The following PCDHA2 variants were observed in gnomAD, a reference collection of about 807,000 sequenced individuals.
PCDHA2 encodes protocadherin alpha 2, also known as protocadherin alpha-2.
A neutral mutation model predicts 66.0 loss-of-function variants in PCDHA2; 58 were observed. The ratio of observed to expected loss-of-function variants is 0.88; its 90% confidence interval spans 0.71 to 1.09. PCDHA2 has a LOEUF of 1.09. PCDHA2 is among the 50% of genes least tolerant of loss of function. The probability of loss-of-function intolerance (pLI) is 0.00; values close to 1 mark genes in which losing one functional copy is unlikely to be tolerated. For synonymous variants in PCDHA2, 634 were observed against 554.0 expected, an observed-to-expected ratio of 1.14 and a Z score of -2.03; for missense variants, 1,267 against 1,242.3, an observed-to-expected ratio of 1.02 and a Z score of -0.30.
intron 1 of PCDHA2, chr5:140,883,112 A>T (rs141106500): frequency 1.9e-6 from 3 of 1,614,156 alleles, no homozygotes; most frequent in Non-Finnish European, 2.5e-6. Context: ...TTACTCATTT[A>T]GAAGGCCTGT....
intron 1 of PCDHA2, among the ~76,000 whole-genome samples, chr5:140,838,081 T>TA (rs1554136867): frequency 2.0e-3 from 27 of 13,358 alleles, no homozygotes; most frequent in Middle Eastern, 0.036. Flanking sequence ...ATATATAGTG[T>TA]GTGTGTGTGT....
chr5:140,868,603 T>C (rs1554162122), intron 1 of PCDHA2: 2 of 153,246 alleles, frequency 1.3e-5, no homozygotes, highest in Non-Finnish European at 2.9e-5. Flanking sequence ...TAGTTTTTCA[T>C]GAGGCCACCT....
chr5:140,923,000 G>A (rs1554201089), intron 1 of PCDHA2, among the ~76,000 whole-genome samples: 2 of 152,220 alleles, frequency 1.3e-5, no homozygotes, highest in African/African-American at 4.8e-5. Context: ...CCATGAGAAT[G>A]GTTGTTGGAC....
intron 1 of PCDHA2, chr5:140,928,465 G>A: frequency 6.2e-7 from 1 of 1,614,168 alleles, no homozygotes; most frequent in Non-Finnish European, 8.5e-7. Context: ...TCATTTCCAA[G>A]TAGAAGGCCG....
intron 1 of PCDHA2, among the ~76,000 whole-genome samples, chr5:140,898,811 C>T (rs1277456601): frequency 6.6e-6 from 1 of 152,190 alleles, no homozygotes; most frequent in Non-Finnish European, 1.5e-5. Context: ...ACTGATTCTT[C>T]CTACCCATGA....
At chr5:140,928,397 C>T in intron 1 of PCDHA2, 1 of 1,614,082 alleles carries the variant, frequency 6.2e-7, no homozygotes, top group East Asian at 2.2e-5. Context: ...GCAGTGGAAT[C>T]ATCCAGTGGG....
chr5:140,966,929 G>A (rs944732818), intron 1 of PCDHA2: 2 of 1,603,460 alleles, frequency 1.2e-6, no homozygotes, highest in African/African-American at 1.3e-5. Flanking sequence ...GCAGGCACCC[G>A]GCGCGCTCGT....
At chr5:140,925,072 G>A (rs921580794) in intron 1 of PCDHA2, among the ~76,000 whole-genome samples, 10 of 149,184 alleles carry the variant, frequency 6.7e-5, no homozygotes, top group Admixed American at 2.0e-4. Flanking sequence ...AAAGCAACAC[G>A]CTCATCTGGA....
intron 1 of PCDHA2, among the ~76,000 whole-genome samples, chr5:140,937,540 C>T (rs2091570481): frequency 2.0e-5 from 3 of 152,116 alleles, no homozygotes; most frequent in East Asian, 3.9e-4. Flanking sequence ...TTGCTTGAAC[C>T]TGCGAGGCAG....
intron 1 of PCDHA2, among the ~76,000 whole-genome samples, chr5:140,941,193 TTCTTTCTTC>T (rs1563183581): frequency 8.6e-6 from 1 of 116,638 alleles, no homozygotes; most frequent in Non-Finnish European, 1.8e-5. Flanking sequence ...TTCTTTTTTT[TTCTTTCTTC>T]CTTTCTTTCT....
chr5:140,908,754 A>C (rs1403008536), intron 1 of PCDHA2, among the ~76,000 whole-genome samples: 1 of 152,184 alleles, frequency 6.6e-6, no homozygotes, highest in Non-Finnish European at 1.5e-5. Context: ...ACTTGCACAC[A>C]GCCTGGACGT....
At chr5:140,886,746 A>C (rs2061113111) in intron 1 of PCDHA2, among the ~76,000 whole-genome samples, 1 of 151,722 alleles carries the variant, frequency 6.6e-6, no homozygotes. Context: ...GAATTGCTTG[A>C]ACCCGGGAGG....
At chr5:140,856,818 A>G in intron 1 of PCDHA2, 1 of 1,593,074 alleles carries the variant, frequency 6.3e-7, no homozygotes, top group Non-Finnish European at 8.6e-7. Flanking sequence ...CAAGTGAACC[A>G]AACATTAGTA....
intron 1 of PCDHA2, chr5:140,928,776 T>C (rs2085518837): frequency 6.2e-7 from 1 of 1,614,044 alleles, no homozygotes; most frequent in East Asian, 2.2e-5. Flanking sequence ...TTCCCACTGA[T>C]GCAGTTAAGC....
chr5:140,908,186 G>A (rs189627133), intron 1 of PCDHA2, among the ~76,000 whole-genome samples: 52 of 152,292 alleles, frequency 3.4e-4, no homozygotes, highest in African/African-American at 1.2e-3. Context: ...CCACTTTCAG[G>A]TGGTGGACAT....
intron 1 of PCDHA2, among the ~76,000 whole-genome samples, chr5:140,880,869 G>A (rs1017640769): frequency 2.0e-5 from 3 of 152,064 alleles, no homozygotes; most frequent in Non-Finnish European, 4.4e-5. Context: ...TATGTGAAGA[G>A]GTAAATAAAG....
Position 140,843,376 on chromosome 5 carries a change from C to A in PCDHA2, c.2388+46024C>A, listed in dbSNP as rs1554140003. The stretch of plus-strand genomic sequence containing the variant: ...AAGCGTCATCGAGGCAGTCGGCTGG[C>A]GTTTTGGGTCCGGAAGCGGCGCTGG... On this transcript the variant is annotated intron_variant, in intron 1 of 3. Transcript: ENST00000526136. The A allele has an allele frequency of 5.0e-6, 8 of 1,595,956 alleles. 1 individual carries two copies. Among genetic ancestry groups the A allele is most frequent in the Middle Eastern group, 3.3e-4 (2 of 6,012 alleles).
chr5:140,841,278 T>A, intron 1 of PCDHA2: 5 of 1,521,548 alleles, frequency 3.3e-6, no homozygotes, highest in Non-Finnish European at 3.5e-6. Context: ...GTCGTTCATC[T>A]TTATATTAAG....
intron 1 of PCDHA2, chr5:140,966,860 T>C (rs1586162562): frequency 3.2e-6 from 5 of 1,577,484 alleles, no homozygotes; most frequent in East Asian, 2.3e-5. Context: ...CCTGCTGCTG[T>C]TGCTGCTGCT....
Sources: allele counts gnomAD v4.1 joint callset (sites outside exome capture counted in the v4.1 genomes callset), GRCh38; gene constraint gnomAD v4.1.1; transcripts MANE v1.5; gene names NCBI Gene and HGNC (gene_info 2026-07-23, HGNC 2026-07-21).